GRIN2B: variants seen among roughly 807,000 people sequenced by gnomAD.
The protein encoded by GRIN2B is glutamate ionotropic receptor NMDA type subunit 2B, also known as glutamate receptor ionotropic, NMDA 2B.
Under a neutral mutation model 114.5 loss-of-function variants are expected in GRIN2B, and 5 were observed. The observed-to-expected ratio is 0.04, with a 90% CI of 0.02 to 0.09. GRIN2B has a LOEUF of 0.09. Ranked by LOEUF, GRIN2B falls within the 10% of genes least tolerant of loss-of-function variation. The pLI is 1.00. For missense variants in GRIN2B, 1,108 were observed against 1,943.5 expected (o/e 0.57, Z 8.08); for synonymous variants, 787 against 745.1 (o/e 1.06, Z -0.92).
intron 3 of GRIN2B, among the ~76,000 whole-genome samples, chr12:13,819,551 A>C (rs995975388): frequency 2.0e-4 from 30 of 152,188 alleles, no homozygotes; most frequent in Admixed American, 8.5e-4. Context: ...GATTTTGAAA[A>C]GGTAATAGCG....
intron 10 of GRIN2B, among the ~76,000 whole-genome samples, 160 bp downstream of exon 10, chr12:13,608,443 G>A (rs943966361): frequency 6.6e-6 from 1 of 152,178 alleles, no homozygotes; most frequent in Non-Finnish European, 1.5e-5. Flanking sequence ...TATTATTTCA[G>A]TAGGGAAACT....
At position 13,564,241 on chromosome 12, in the gene GRIN2B, G is replaced by A. The variant is rs760531029; in HGVS notation, c.2997C>T (p.Ser999=). The A allele has an allele frequency of 1.9e-6, 3 of 1,614,194 alleles. No homozygotes were observed. The Admixed American group carries it at 5.0e-5, about 27-fold the overall frequency. Residue 999 remains serine (S), a synonymous_variant, in exon 14 of 14, where the codon TCC becomes TCT. Coordinates refer to ENST00000609686, the MANE Select transcript of GRIN2B (RefSeq NM_000834.5). This position sits in a 1 kb window ranked among gnomAD's most constrained non-coding sequence, Gnocchi z 4.8. Reference sequence around the variant, plus strand: ...TGTCACAGTCGTAGAGCCCATCGATGGAGCTGGCACTGCCAATACTATGGG... The same window carrying A: ...TGTCACAGTCGTAGAGCCCATCGATAGAGCTGGCACTGCCAATACTATGGG... ...HRPHSIGSAS[S]IDGLYDCDNP... is the part of the protein sequence containing the mutation.
At chr12:13,852,029 G>T (rs1865573871) in intron 3 of GRIN2B, among the ~76,000 whole-genome samples, 1 of 152,212 alleles carries the variant, frequency 6.6e-6, no homozygotes, top group African/African-American at 2.4e-5. Flanking sequence ...GATGCTGAAA[G>T]GTTAAAGGCT....
At chr12:13,594,967 A>C (rs1949054313) in intron 10 of GRIN2B, among the ~76,000 whole-genome samples, 1 of 152,198 alleles carries the variant, frequency 6.6e-6, no homozygotes, top group South Asian at 2.1e-4. Flanking sequence ...TTACTACTGC[A>C]TAAACTGTCT....
Position 13,951,727 on chromosome 12 carries a change from T to A in GRIN2B, c.-19+28201A>T, listed in dbSNP as rs1867482433. Among the ~76,000 whole-genome samples, 7 of 147,042 alleles carry A rather than the reference T, an allele frequency of 4.8e-5. No individual in the cohort carries two copies. The South Asian group carries it at 1.5e-3, about 31-fold the overall frequency. ...ACCAATTTATCTGTTCATCTCTCTC[T>A]CTAGACTGTGAGCTTCTCAAGAGTG... On this transcript the variant is annotated intron_variant, in intron 2 of 13. Transcript: ENST00000609686.
intron 2 of GRIN2B, among the ~76,000 whole-genome samples, chr12:13,912,003 G>A (rs919614396): frequency 1.3e-5 from 2 of 152,108 alleles, no homozygotes; most frequent in African/African-American, 4.8e-5. Context: ...TGAGTGACTA[G>A]TGCGCACAAA....
chr12:13,750,834 C>G (rs1328652889), intron 4 of GRIN2B, among the ~76,000 whole-genome samples: 1 of 152,146 alleles, frequency 6.6e-6, no homozygotes, highest in Non-Finnish European at 1.5e-5. Context: ...GGGAGGGTCA[C>G]TACTCTCACA....
chr12:13,811,359 G>A (rs1864725838), intron 3 of GRIN2B, among the ~76,000 whole-genome samples: 1 of 152,152 alleles, frequency 6.6e-6, no homozygotes, highest in African/African-American at 2.4e-5. Flanking sequence ...TGAGCCAGGA[G>A]GGTCGCTTGA....
intron 5 of GRIN2B, among the ~76,000 whole-genome samples, chr12:13,629,317 G>A (rs1001363334): frequency 1.3e-5 from 2 of 152,176 alleles, no homozygotes; most frequent in Admixed American, 6.5e-5. Flanking sequence ...CAAGGTCATT[G>A]CATCTCTCAC....
At position 13,727,509 on chromosome 12, in the gene GRIN2B, A is replaced by C. The variant is rs930849899; in HGVS notation, c.1010+25808T>G. Among the ~76,000 whole-genome samples the C allele has an allele frequency of 2.6e-5, 4 of 152,196 alleles. No individual in the cohort carries two copies. In the South Asian group the frequency reaches 6.2e-4, roughly 24 times the overall value. ...TGATCCAAATGCTAGCTCTTCCCTC[A>C]TTAGATGTGACACAGCTTGTTCTTT... On this transcript the variant is annotated intron_variant, in intron 4 of 13. Transcript: ENST00000609686.
chr12:13,951,163 T>G (rs975655597), intron 2 of GRIN2B, among the ~76,000 whole-genome samples: 2 of 152,224 alleles, frequency 1.3e-5, no homozygotes, highest in African/African-American at 4.8e-5. Context: ...ATTACAATAT[T>G]TGAAACATAC....
rs557127720 is a variant in GRIN2B, at chr12:13,587,319, A to ATTTTC, written c.2011-15360_2011-15356dup. ...GTCTAGCCCCACTAGCCTGATGTAC[A>ATTTTC]TTTTCTTTTCTTTTCTTTTTATTTC... is the stretch of plus-strand genomic sequence containing the variant. On this transcript the variant is annotated intron_variant, in intron 10 of 13. Coordinates refer to ENST00000609686, the MANE Select transcript of GRIN2B (RefSeq NM_000834.5). 4.4e-3 allele frequency among the ~76,000 whole-genome samples: 630 copies of ATTTTC among 143,948 alleles called. 6 individuals carry two copies. The highest frequency in any genetic ancestry group is 0.014 in the Middle Eastern group (4 of 280). 94.4% of individuals were successfully genotyped at this position (143,948 alleles called of 152,430 possible).
At chr12:13,781,523 G>A (rs1020330718) in intron 3 of GRIN2B, among the ~76,000 whole-genome samples, 2 of 152,162 alleles carry the variant, frequency 1.3e-5, no homozygotes, top group Admixed American at 6.5e-5. Flanking sequence ...GCTTGATCAA[G>A]TTTCCAGCAT....
At chr12:13,856,879 A>G (rs1235164921) in intron 3 of GRIN2B, among the ~76,000 whole-genome samples, 1 of 152,156 alleles carries the variant, frequency 6.6e-6, no homozygotes, top group Non-Finnish European at 1.5e-5. Flanking sequence ...CTCTACCTCC[A>G]GGCCCAAATC....
intron 2 of GRIN2B, among the ~76,000 whole-genome samples, chr12:13,957,544 C>A (rs1191244600): frequency 6.6e-6 from 1 of 152,202 alleles, no homozygotes; most frequent in Non-Finnish European, 1.5e-5. Context: ...CCACCCCAAT[C>A]TCTGAGAAGC....
chr12:13,658,067 T>C (rs1318594372), intron 5 of GRIN2B, among the ~76,000 whole-genome samples: 1 of 151,946 alleles, frequency 6.6e-6, no homozygotes, highest in Non-Finnish European at 1.5e-5. Flanking sequence ...TAGCTGGGCG[T>C]GGTGGTACCT....
At chr12:13,637,771 T>G (rs1254258861) in intron 5 of GRIN2B, among the ~76,000 whole-genome samples, 1 of 152,190 alleles carries the variant, frequency 6.6e-6, no homozygotes, top group African/African-American at 2.4e-5. Context: ...ACTGCATCTA[T>G]TAAGAAACTT....
chr12:13,749,436 C>G (rs1863441491), intron 4 of GRIN2B, among the ~76,000 whole-genome samples: 1 of 152,220 alleles, frequency 6.6e-6, no homozygotes, highest in Non-Finnish European at 1.5e-5. Flanking sequence ...TTTCCTAACC[C>G]TACATCCCTA....
intron 5 of GRIN2B, among the ~76,000 whole-genome samples, chr12:13,645,714 C>T (rs74878225): frequency 0.044 from 6,705 of 151,744 alleles, 429 homozygotes; most frequent in African/African-American, 0.14. Context: ...CATTTTCTTT[C>T]CCACTTGATA....
Sources: allele counts gnomAD v4.1 joint callset (sites outside exome capture counted in the v4.1 genomes callset), GRCh38; gene constraint gnomAD v4.1.1; non-coding constraint Gnocchi (gnomAD v3.1); transcripts MANE v1.5; gene names NCBI Gene and HGNC (gene_info 2026-07-23, HGNC 2026-07-21).